ABHD17B: variants seen among roughly 807,000 people sequenced by gnomAD.
ABHD17B encodes the protein alpha/beta hydrolase domain-containing protein 17B.
A neutral mutation model predicts 26.2 loss-of-function variants in ABHD17B; 9 were observed. The ratio of observed to expected loss-of-function variants is 0.34; its 90% CI spans 0.21 to 0.60. The LOEUF (loss-of-function observed/expected upper bound fraction) is 0.60. ABHD17B is among the 20% of genes least tolerant of loss of function. The pLI, the probability that ABHD17B is intolerant of heterozygous loss-of-function variation, is 0.80. For missense variants in ABHD17B, 224 were observed against 352.1 expected (o/e 0.64, Z 2.91); for synonymous variants, 127 against 122.3 (o/e 1.04, Z -0.25).
chr9:71,868,981 G>T (rs1826036346), intron 3 of ABHD17B, among the ~76,000 whole-genome samples: 1 of 152,158 alleles, frequency 6.6e-6, no homozygotes, highest in African/African-American at 2.4e-5. Context: ...GAACCACTGT[G>T]CCTGGCCAAA....
At chr9:71,894,016 G>T (rs1423370472) in intron 1 of ABHD17B, among the ~76,000 whole-genome samples, 1 of 141,250 alleles carries the variant, frequency 7.1e-6, no homozygotes, top group Non-Finnish European at 1.5e-5. Context: ...TGTGAACCCA[G>T]GACAGCGCTT....
chr9:71,862,501 T>A, downstream of ABHD17B: 6 of 1,497,648 alleles, frequency 4.0e-6, no homozygotes, highest in Non-Finnish European at 5.4e-6. Flanking sequence ...ATCATTGGTA[T>A]ATTAATCCAG....
At chr9:71,899,787 G>A (rs539422441) in intron 1 of ABHD17B, among the ~76,000 whole-genome samples, 41 of 151,946 alleles carry the variant, frequency 2.7e-4, no homozygotes, top group African/African-American at 9.7e-4. Flanking sequence ...CCTATTTCGG[G>A]GACATCATAT....
chr9:71,884,794 T>C (rs1220267036), intron 1 of ABHD17B, among the ~76,000 whole-genome samples: 2 of 151,994 alleles, frequency 1.3e-5, no homozygotes, highest in Non-Finnish European at 2.9e-5. Flanking sequence ...ATACTTGACA[T>C]ATAGTAGGGT....
intron 1 of ABHD17B, among the ~76,000 whole-genome samples, chr9:71,879,678 G>A (rs997602988): frequency 6.6e-6 from 1 of 152,196 alleles, no homozygotes; most frequent in African/African-American, 2.4e-5. Context: ...ACCAACAGCT[G>A]ATTTCAGAAA....
intron 1 of ABHD17B, among the ~76,000 whole-genome samples, chr9:71,894,550 T>C (rs572161190): frequency 2.6e-5 from 4 of 152,294 alleles, no homozygotes; most frequent in African/African-American, 9.6e-5. Context: ...ACTTGGGGCA[T>C]TATTACTAAA....
At chr9:71,872,251 A>G (rs1475493137) in intron 2 of ABHD17B, among the ~76,000 whole-genome samples, 1 of 152,200 alleles carries the variant, frequency 6.6e-6, no homozygotes, top group Non-Finnish European at 1.5e-5. Flanking sequence ...AACACGAAAG[A>G]AAACACAGGT....
At chr9:71,864,213 CTTTTTTTTTTTTTT>C (rs762446648), downstream of ABHD17B, among the ~76,000 whole-genome samples, 2 of 80,396 alleles carry the variant, frequency 2.5e-5, no homozygotes, top group East Asian at 4.3e-4. Flanking sequence ...GCCAAACTTT[CTTTTTTTTTTTTTT>C]TTTTTTTTTT....
At chr9:71,896,477 C>A (rs1369646715) in intron 1 of ABHD17B, among the ~76,000 whole-genome samples, 6 of 152,074 alleles carry the variant, frequency 3.9e-5, no homozygotes, top group African/African-American at 1.4e-4. Flanking sequence ...TAAAAAATAT[C>A]TTGAGTTCTT....
chr9:71,875,472 A>T (rs1196182438), intron 1 of ABHD17B, among the ~76,000 whole-genome samples: 1 of 151,994 alleles, frequency 6.6e-6, no homozygotes, highest in Non-Finnish European at 1.5e-5. Context: ...TGATTCACCC[A>T]CCTCGGCCTC....
chr9:71,892,055 C>T (rs1826799009), intron 1 of ABHD17B, among the ~76,000 whole-genome samples: 1 of 152,132 alleles, frequency 6.6e-6, no homozygotes. Context: ...TCTCTTTATA[C>T]CTCATTTTCC....
rs111636396 is a variant in ABHD17B at position 71,893,436 on chromosome 9, G to C, written c.-4+17198C>G. Among the ~76,000 whole-genome samples the C allele has an allele frequency of 3.7e-3, 568 of 152,302 alleles. 3 individuals are homozygous for C. Among genetic ancestry groups the C allele is most frequent in the Middle Eastern group, 0.014 (4 of 294 alleles). On this transcript the variant is annotated intron_variant, in intron 1 of 3. Coordinates refer to ENST00000333421, the MANE Select transcript of ABHD17B (RefSeq NM_001025780.3). ...GATTAATGTGTTAGAGCGACGCACA[G>C]AACTCAGGGAGACAGATTTACCAGT...
chr9:71,888,437 A>C (rs1350570926), intron 1 of ABHD17B, among the ~76,000 whole-genome samples: 1 of 152,172 alleles, frequency 6.6e-6, no homozygotes, highest in African/African-American at 2.4e-5. Flanking sequence ...AACATTCCAC[A>C]ATGCACATTA....
intron 1 of ABHD17B, among the ~76,000 whole-genome samples, chr9:71,878,684 C>A (rs113754397): frequency 1.3e-5 from 2 of 152,240 alleles, no homozygotes; most frequent in South Asian, 2.1e-4. Context: ...TGGCTCACTC[C>A]TGTAATCCCA....
In ABHD17B at chr9:71,866,078, C is replaced by T. The variant is rs1825949690; in HGVS notation, c.*709G>A. The stretch of plus-strand genomic sequence containing the variant: ...GTAACCAGCATGAAAATTTTAAGTA[C>T]TTGCCTCACAGTACCAAACTTAGAA... On this transcript the variant is annotated 3_prime_UTR_variant, in exon 4 of 4. Coordinates refer to ENST00000333421, the MANE Select transcript of ABHD17B (RefSeq NM_001025780.3). 1 of 985,504 alleles carries T rather than the reference C, an allele frequency of 1.0e-6. No homozygotes were observed. The highest frequency in any genetic ancestry group is 1.2e-6 in the Non-Finnish European group (1 of 829,874). The allele number at this position is 985,504 out of a possible 1,614,324, so 61.0% of individuals were successfully genotyped here.
chr9:71,880,027 C>CT lies in ABHD17B; in HGVS notation c.-3-4945dup, dbSNP rs1390307564. ...AAATAATGTACTAAAGGAAAAAGGACTTTGAGCTACAGACATAGTTTCTAG... is the reference window on the plus strand; with the variant it reads ...AAATAATGTACTAAAGGAAAAAGGACTTTTGAGCTACAGACATAGTTTCTAG... On this transcript the variant is annotated intron_variant, in intron 1 of 3. Transcript: ENST00000333421. 4.6e-5 allele frequency among the ~76,000 whole-genome samples: 7 copies of CT among 152,256 alleles called. No individual in the cohort carries two copies. In the South Asian group the frequency reaches 6.2e-4, roughly 14 times the overall value.
chr9:71,885,372 A>G (rs534252374), intron 1 of ABHD17B, among the ~76,000 whole-genome samples: 1 of 150,676 alleles, frequency 6.6e-6, no homozygotes, highest in African/African-American at 2.4e-5. Flanking sequence ...AGGCAGGAGA[A>G]TGGCTTGAAC....
chr9:71,890,769 G>A, intron 1 of ABHD17B, among the ~76,000 whole-genome samples: 1 of 152,172 alleles, frequency 6.6e-6, no homozygotes, highest in Non-Finnish European at 1.5e-5. Flanking sequence ...ATTTTCTGAA[G>A]TTTTTGCCTT....
In ABHD17B at chr9:71,866,013, G is replaced by A. The variant is rs914731067; in HGVS notation, c.*774C>T. Reference sequence around the variant, plus strand: ...GAGATCAGTCAAAATTTAAAACATCGTATACAAAATCATTCTTGAAATCTC... The same window carrying A: ...GAGATCAGTCAAAATTTAAAACATCATATACAAAATCATTCTTGAAATCTC... On this transcript the variant is annotated 3_prime_UTR_variant, in exon 4 of 4. Transcript: ENST00000333421. 1.9e-5 allele frequency: 19 copies of A among 985,090 alleles called. No individual in the cohort carries two copies. The highest frequency in any genetic ancestry group is 1.0e-4 in the African/African-American group (6 of 57,190). 61.0% of individuals were successfully genotyped at this position (985,090 alleles called of 1,614,324 possible). A position where few individuals can be genotyped will look rare whatever the true frequency, so the allele number is the denominator to read the frequency against.
Sources: allele counts gnomAD v4.1 joint callset (sites outside exome capture counted in the v4.1 genomes callset), GRCh38; gene constraint gnomAD v4.1.1; transcripts MANE v1.5; gene names NCBI Gene and HGNC (gene_info 2026-07-23, HGNC 2026-07-21).